NF1: variants seen among roughly 807,000 people sequenced by gnomAD.
The protein encoded by NF1 is neurofibromin 1, also known as neurofibromin.
A neutral mutation model predicts 325.7 loss-of-function variants in NF1; 122 were observed. The ratio of observed to expected loss-of-function variants is 0.37; its 90% CI spans 0.32 to 0.44. The LOEUF is 0.44. NF1 is among the 20% of genes least tolerant of loss of function. NF1 has a pLI of 1.00. For missense variants in NF1, 2,140 were observed against 3,415.4 expected, an observed-to-expected ratio of 0.63 and a Z score of 9.31; for synonymous variants, 1,091 against 1,186.0, an observed-to-expected ratio of 0.92 and a Z score of 1.65.
At position 31,219,073 on chromosome 17, in the gene NF1, G is replaced by C. The variant is rs2143986695; in HGVS notation, c.1596G>C (p.Leu532=). 1 of 1,613,788 alleles carries C rather than the reference G, an allele frequency of 6.2e-7. No homozygotes were observed. The highest frequency in any genetic ancestry group is 8.5e-7 in the Non-Finnish European group (1 of 1,179,894). ...AATTAATTACAGGGCTCGTCCAACT[G>C]GTCCCTCAGTCACACATGCCAGAGA... ...TAELITGLVQ[L]VPQSHMPEIA... The change falls in exon 14 of 58, where the codon CTG becomes CTC. Residue 532 remains leucine (L), a synonymous_variant. Transcript: ENST00000358273.
At chr17:31,363,532 G>A (rs1202700275) in intron 57 of NF1, among the ~76,000 whole-genome samples, 1 of 150,240 alleles carries the variant, frequency 6.7e-6, no homozygotes. Context: ...TGCCTCCCAG[G>A]TTCATGCCAT....
rs1567616663 is a variant in NF1 at position 31,336,364 on chromosome 17, G to A, written c.6038G>A (p.Ser2013Asn). 1 of 1,614,012 alleles carries A rather than the reference G, an allele frequency of 6.2e-7. No homozygotes were observed. Among genetic ancestry groups the A allele is most frequent in the African/African-American group, 1.3e-5 (1 of 75,008 alleles). ...GATCTGCTTGATGTTGTACTAGACAGTTTCATCAAAACCAGTGCAACAGGT... is the reference window on the plus strand; with the variant it reads ...GATCTGCTTGATGTTGTACTAGACAATTTCATCAAAACCAGTGCAACAGGT... ...ITDLLDVVLD[S>N]FIKTSATGGL... The change falls in exon 41 of 58, where the codon AGT becomes AAT. Residue 2013 changes from serine (S) to asparagine (N), a missense_variant. Ser to Asn is a conservative substitution (Grantham distance 46). Transcript: ENST00000358273. The surrounding 1 kb of genome is among the most constrained non-coding windows in gnomAD (Gnocchi z 5.5).
At chr17:31,292,817 C>T (rs928290245) in intron 36 of NF1, among the ~76,000 whole-genome samples, 1 of 152,044 alleles carries the variant, frequency 6.6e-6, no homozygotes, top group African/African-American at 2.4e-5. Flanking sequence ...TTACTTTTCC[C>T]CTTAAAAATT....
intron 1 of NF1, among the ~76,000 whole-genome samples, chr17:31,151,456 A>G (rs957512534): frequency 2.0e-5 from 3 of 152,302 alleles, no homozygotes; most frequent in Admixed American, 6.5e-5. Context: ...CAGGAAAAGG[A>G]AAAGGGAACA....
chr17:31,183,438 ATACAT>A (rs2066174718), intron 8 of NF1: 1 of 152,254 alleles, frequency 6.6e-6, no homozygotes, highest in Non-Finnish European at 1.5e-5. Context: ...CCGGGAATTT[ATACAT>A]TAAAGGGTAA....
Position 31,326,019 on chromosome 17 carries a change from A to G in NF1, c.5035A>G (p.Ile1679Val), listed in dbSNP as rs147327414. 1.2e-3 allele frequency: 1,889 copies of G among 1,614,152 alleles called. 41 individuals are homozygous for G. In the Admixed American group the frequency reaches 0.029, roughly 25 times the overall value. ...FAYDNVSAVY[I>V]YNCNSWVREY... ...TTACGACAACGTCTCCGCAGTCTAT[A>G]TCTATAACTGTAACTCCTGGGTCAG... Residue 1679 changes from isoleucine (I) to valine (V), a missense_variant, in exon 37 of 58, where the codon ATC becomes GTC. Around this residue, in one of 10 missense-constraint regions of NF1, gnomAD observed 103 missense variants for 214.6 expected, o/e 0.48. Coordinates refer to ENST00000358273, the MANE Select transcript of NF1 (RefSeq NM_001042492.3).
chr17:31,189,006 C>A (rs2066291380), intron 8 of NF1, among the ~76,000 whole-genome samples: 1 of 152,012 alleles, frequency 6.6e-6, no homozygotes, highest in South Asian at 2.1e-4. Flanking sequence ...CTCTAGAGAA[C>A]CCTGACTAAT....
In NF1 at chr17:31,356,489, T is replaced by C. The variant is rs767458044; in HGVS notation, c.7645T>C (p.Ser2549Pro). 14 of 1,613,622 alleles carry C rather than the reference T, an allele frequency of 8.7e-6. No individual in the cohort carries two copies. Among genetic ancestry groups the C allele is most frequent in the East Asian group, 4.5e-5 (2 of 44,814 alleles). The stretch of plus-strand genomic sequence containing the variant: ...AAGGAAAAGTTTTGATCACTTGATA[T>C]CAGACACAAAGGCTCCTAAAAGGCA... ...GTRKSFDHLI[S>P]DTKAPKRQEM... Residue 2549 changes from serine to proline, a missense_variant, in exon 52 of 58, where the codon TCA (serine) becomes CCA (proline). Ser to Pro is a moderately conservative substitution (Grantham distance 74). This residue lies in a region of NF1 where 522 missense variants were observed against 749.0 expected (regional missense o/e 0.70). Coordinates refer to ENST00000358273, the MANE Select transcript of NF1 (RefSeq NM_001042492.3).
At chr17:31,133,647 T>G (rs547283898) in intron 1 of NF1, 1 of 152,290 alleles carries the variant, frequency 6.6e-6, no homozygotes, top group African/African-American at 2.4e-5. Flanking sequence ...TTACGTTTGT[T>G]ATTTTGTGTC....
At position 31,182,600 on chromosome 17, in the gene NF1, A is replaced by T. The variant is rs786202464; in HGVS notation, c.823A>T (p.Ile275Phe). The change falls in exon 8 of 58, where the codon ATC (isoleucine) becomes TTC (phenylalanine). Residue 275 changes from isoleucine (I) to phenylalanine (F), a missense_variant. This residue lies in a region of NF1 where 246 missense variants were observed against 347.8 expected (regional missense o/e 0.71). Transcript: ENST00000358273. Reference sequence around the variant, plus strand: ...TTGGCCACTACAAATCATTCTCCTTATCTTGTGTCCAGAAATAATCCAGGA... The same window carrying T: ...TTGGCCACTACAAATCATTCTCCTTTTCTTGTGTCCAGAAATAATCCAGGA... ...AVWPLQIILL[I>F]LCPEIIQDIS... 1.9e-6 allele frequency: 3 copies of T among 1,614,066 alleles called. No individual in the cohort carries two copies. Among genetic ancestry groups the T allele is most frequent in the Non-Finnish European group, 2.5e-6 (3 of 1,179,950 alleles).
intron 36 of NF1, among the ~76,000 whole-genome samples, chr17:31,266,195 T>G (rs949487607): frequency 2.0e-5 from 3 of 152,216 alleles, no homozygotes; most frequent in Admixed American, 2.0e-4. Flanking sequence ...GTATTTAACA[T>G]CCATGACCAT....
chr17:31,247,127 G>A (rs986592805), intron 29 of NF1, among the ~76,000 whole-genome samples: 7 of 151,578 alleles, frequency 4.6e-5, no homozygotes, highest in South Asian at 2.1e-4. Flanking sequence ...ACCTGGAGGC[G>A]GAGGTTGCAG....
chr17:31,318,948 A>C, intron 36 of NF1: 2 of 1,613,812 alleles, frequency 1.2e-6, no homozygotes, highest in Non-Finnish European at 1.7e-6. Context: ...GAGACAAAGA[A>C]AAAACTGTTG....
intron 8 of NF1, among the ~76,000 whole-genome samples, chr17:31,190,089 C>A (rs1432072932): frequency 1.0e-2 from 970 of 97,170 alleles, no homozygotes; most frequent in African/African-American, 0.013. Context: ...AAATGTATTA[C>A]AAAAAAAAAA....
At chr17:31,161,269 T>G (rs1034232163) in intron 3 of NF1, among the ~76,000 whole-genome samples, 2 of 152,220 alleles carry the variant, frequency 1.3e-5, no homozygotes, top group Non-Finnish European at 2.9e-5. Context: ...ACATCTGTAT[T>G]GTTTGGTTAG....
intron 57 of NF1, among the ~76,000 whole-genome samples, chr17:31,373,151 A>G (rs1318805416): frequency 6.6e-6 from 1 of 152,234 alleles, no homozygotes; most frequent in Non-Finnish European, 1.5e-5. Flanking sequence ...AAGATTCTAC[A>G]GTATGACCTT....
intron 1 of NF1, among the ~76,000 whole-genome samples, chr17:31,113,095 C>T (rs1013806426): frequency 6.6e-6 from 1 of 152,120 alleles, no homozygotes; most frequent in Non-Finnish European, 1.5e-5. Context: ...TTCGGATTGG[C>T]TTGTCAATTT....
rs1399095966 is a variant in NF1 at position 31,327,501 on chromosome 17, T to C, written c.5271T>C (p.Val1757=). 5 of 1,612,624 alleles carry C rather than the reference T, an allele frequency of 3.1e-6. No homozygotes were observed. The highest frequency in any genetic ancestry group is 3.4e-6 in the Non-Finnish European group (4 of 1,179,576). The part of the protein sequence containing the change: ...AHKDTKVSIK[V]GSTAVQVTSA... Reference sequence around the variant, plus strand: ...ACCCCGTCACCACCACTTTCCAGGTTGGTTCTACTGCTGTCCAAGTAACTT... The same window carrying C: ...ACCCCGTCACCACCACTTTCCAGGTCGGTTCTACTGCTGTCCAAGTAACTT... The change falls in exon 38 of 58, where the codon GTT becomes GTC. Residue 1757 remains valine (V), a splice_region_variant and synonymous_variant. Coordinates refer to ENST00000358273, the MANE Select transcript of NF1 (RefSeq NM_001042492.3).
intron 30 of NF1, chr17:31,252,362 T>C (rs1199867090): frequency 5.0e-6 from 1 of 200,478 alleles, no homozygotes; most frequent in African/African-American, 2.3e-5. Context: ...ATATGTGAAA[T>C]GTTAAGAGTA....
Sources: allele counts gnomAD v4.1 joint callset (sites outside exome capture counted in the v4.1 genomes callset), GRCh38; gene constraint gnomAD v4.1.1; regional missense constraint gnomAD v4.1.1; non-coding constraint Gnocchi (gnomAD v3.1); transcripts MANE v1.5; gene names NCBI Gene and HGNC (gene_info 2026-07-23, HGNC 2026-07-21).